LPIN1: variants seen among roughly 807,000 people sequenced by gnomAD.
LPIN1 encodes lipin 1.
Under a neutral mutation model 107.5 loss-of-function variants are expected in LPIN1, and 71 were observed. The observed-to-expected ratio is 0.66, with a 90% CI of 0.55 to 0.80. LPIN1 has a LOEUF of 0.80. Among genes scored for constraint, LPIN1 ranks in the 30% least tolerant of loss-of-function variants. The pLI, the probability that LPIN1 is intolerant of heterozygous loss-of-function variation, is 0.00. For missense variants in LPIN1, 1,043 were observed against 1,160.6 expected (o/e 0.90, Z 1.47); for synonymous variants, 445 against 452.6 (o/e 0.98, Z 0.21).
chr2:11,688,936 C>T (rs1322848358), intron 1 of LPIN1, among the ~76,000 whole-genome samples: 1 of 152,090 alleles, frequency 6.6e-6, no homozygotes. Context: ...AGTTTCTACC[C>T]AATTAGAAAT....
intron 20 of LPIN1, among the ~76,000 whole-genome samples, chr2:11,821,768 G>A (rs544268047): frequency 2.0e-5 from 3 of 152,124 alleles, no homozygotes; most frequent in Non-Finnish European, 4.4e-5. Context: ...CAGGAGTCCT[G>A]GGGCTGCCCC....
intron 1 of LPIN1, among the ~76,000 whole-genome samples, chr2:11,759,149 C>G (rs572411027): frequency 7.0e-6 from 1 of 143,348 alleles, no homozygotes; most frequent in East Asian, 2.0e-4. Flanking sequence ...TTCTTTCTTT[C>G]TTTCTTTCTT....
chr2:11,750,865 G>A lies in LPIN1; in HGVS notation c.-10+4194G>A, dbSNP rs2148577752. Among the ~76,000 whole-genome samples, 3 of 152,310 alleles carry A rather than the reference G, an allele frequency of 2.0e-5. No individual in the cohort carries two copies. In the South Asian group the frequency reaches 6.2e-4, roughly 32 times the overall value. ...CCTCCCAATTGCTGGGGTGTGGTAG[G>A]GGTGGGGGGTAATACAGAAATAAAG... is the stretch of plus-strand genomic sequence containing the variant. On this transcript the variant is annotated intron_variant, in intron 1 of 20. Transcript: ENST00000674199.
At chr2:11,699,420 G>T (rs1279577525) in intron 1 of LPIN1, among the ~76,000 whole-genome samples, 1 of 152,194 alleles carries the variant, frequency 6.6e-6, no homozygotes, top group Non-Finnish European at 1.5e-5. Flanking sequence ...ATGTCAGCGG[G>T]TATGGGTATG....
At chr2:11,709,964 T>G (rs3924929) in intron 1 of LPIN1, among the ~76,000 whole-genome samples, 33,978 of 152,126 alleles carry the variant, frequency 0.22, 3,988 homozygotes, top group South Asian at 0.26. Flanking sequence ...CCCAGCTACA[T>G]GAAGATTACA....
At chr2:11,732,234 G>C (rs1204148829) in intron 1 of LPIN1, among the ~76,000 whole-genome samples, 1 of 152,188 alleles carries the variant, frequency 6.6e-6, no homozygotes, top group Non-Finnish European at 1.5e-5. Flanking sequence ...TGGTGGTCGT[G>C]TGTATCATTA....
intron 9 of LPIN1, chr2:11,784,450 C>G (rs777115406): frequency 9.1e-7 from 1 of 1,097,816 alleles, no homozygotes; most frequent in Non-Finnish European, 1.1e-6. Context: ...GGCTGCCCTC[C>G]CTGCAAAGCC....
At chr2:11,731,841 T>TC (rs397731832) in intron 1 of LPIN1, among the ~76,000 whole-genome samples, 1 of 151,974 alleles carries the variant, frequency 6.6e-6, no homozygotes, top group Non-Finnish European at 1.5e-5. Context: ...TTTTTTTTTT[T>TC]CATATGTTTG....
At chr2:11,806,986 C>T (rs892483708) in intron 17 of LPIN1, among the ~76,000 whole-genome samples, 1 of 152,144 alleles carries the variant, frequency 6.6e-6, no homozygotes, top group Non-Finnish European at 1.5e-5. Flanking sequence ...TCTAGATACA[C>T]CATACTTTCT....
chr2:11,767,348 G>C (rs754502388), intron 2 of LPIN1: 3 of 216,162 alleles, frequency 1.4e-5, no homozygotes, highest in East Asian at 2.3e-4. Flanking sequence ...CCAGCCATGT[G>C]ACCCTGGGCT....
At chr2:11,715,975 T>C (rs1188444949) in intron 2 of LPIN1, among the ~76,000 whole-genome samples, 1 of 152,020 alleles carries the variant, frequency 6.6e-6, no homozygotes, top group Non-Finnish European at 1.5e-5. Flanking sequence ...AGAGTACAGC[T>C]ATAGGGGTGG....
upstream of LPIN1, chr2:11,677,553 C>A: frequency 1.1e-6 from 1 of 932,830 alleles, no homozygotes; most frequent in Non-Finnish European, 1.7e-6. Context: ...CAGTGTCACC[C>A]AGCCCAGCCT....
At chr2:11,804,961 A>T (rs746292545) in intron 16 of LPIN1, 109 bp from the exon 17 acceptor site, 5 of 757,688 alleles carry the variant, frequency 6.6e-6, no homozygotes, top group African/African-American at 1.8e-5. Flanking sequence ...ATCCAGAAAG[A>T]AAGTTGTGGG....
At chr2:11,750,424 G>A (rs554123148) in intron 1 of LPIN1, among the ~76,000 whole-genome samples, 4 of 152,196 alleles carry the variant, frequency 2.6e-5, no homozygotes, top group African/African-American at 4.8e-5. Context: ...AAATAGTTCT[G>A]TATTCATTTT....
chr2:11,821,591 C>T (rs2148736243), intron 20 of LPIN1, among the ~76,000 whole-genome samples: 2 of 152,292 alleles, frequency 1.3e-5, no homozygotes, highest in South Asian at 2.1e-4. Context: ...AGGAGTTAGA[C>T]TGGGGGAGTT....
intron 1 of LPIN1, among the ~76,000 whole-genome samples, chr2:11,693,147 C>A (rs1005548035): frequency 2.0e-5 from 3 of 151,746 alleles, no homozygotes; most frequent in African/African-American, 7.3e-5. Context: ...CCTCAAGGTC[C>A]CAGCAAGGCC....
In LPIN1 at chr2:11,786,086, A is replaced by G. The variant is rs1439690661; in HGVS notation, c.1550-988A>G. The stretch of plus-strand genomic sequence containing the variant: ...TGGGGGTGGGGTGGCAGCACTGACA[A>G]GGCTGGGCACCGTTATCTGAGTGTT... On this transcript the variant is annotated intron_variant, in intron 10 of 20. Transcript: ENST00000674199. The surrounding 1 kb of genome is among the most constrained non-coding windows in gnomAD (Gnocchi z 4.1). Among the ~76,000 whole-genome samples, 1 of 151,948 alleles carries G rather than the reference A, an allele frequency of 6.6e-6. No homozygotes were observed. The highest frequency in any genetic ancestry group is 2.4e-5 in the African/African-American group (1 of 41,352).
chr2:11,714,223 G>A (rs953930641), intron 2 of LPIN1, among the ~76,000 whole-genome samples: 2 of 152,200 alleles, frequency 1.3e-5, no homozygotes, highest in African/African-American at 4.8e-5. Context: ...CTTGCCTCAC[G>A]CCCTGAGCCC....
chr2:11,724,691 C>G lies in LPIN1; in HGVS notation c.-72+152C>G. On this transcript the variant is annotated intron_variant, in intron 1 of 21. Coordinates refer to the LPIN1 transcript ENST00000396097. ...GGGAATCACGATGCTTCCAGAGCTTCCCGGTGACACAGGTCAATGTGTCCC... is the reference window on the plus strand; with the variant it reads ...GGGAATCACGATGCTTCCAGAGCTTGCCGGTGACACAGGTCAATGTGTCCC... The G allele has an allele frequency of 4.1e-6, 4 of 965,524 alleles. No individual in the cohort carries two copies. In the South Asian group the frequency reaches 1.9e-4, roughly 46 times the overall value. The allele number at this position is 965,524 out of a possible 1,614,324, so 59.8% of individuals were successfully genotyped here.
Sources: gnomAD v4.1 joint callset for allele counts (sites outside exome capture counted in the v4.1 genomes callset) on GRCh38, gnomAD v4.1.1 for gene constraint, Gnocchi (gnomAD v3.1) non-coding constraint, MANE v1.5 for transcripts, NCBI Gene and HGNC (gene_info 2026-07-23, HGNC 2026-07-21) for gene names.